The following NTF3 variants were observed in gnomAD, a reference collection of about 807,000 sequenced individuals.
The protein encoded by NTF3 is neurotrophin-3.
In NTF3, 8 loss-of-function variants were observed where a neutral mutation model predicts 26.3. The ratio of observed to expected loss-of-function variants is 0.30; its 90% CI spans 0.18 to 0.55. The LOEUF (loss-of-function observed/expected upper bound fraction) is 0.55, where lower values mean the gene tolerates loss of function less well. Among genes scored for constraint, NTF3 ranks in the 20% least tolerant of loss-of-function variants. NTF3 has a pLI of 0.93. For synonymous variants in NTF3, 154 were observed against 145.5 expected, an observed-to-expected ratio of 1.06 and a Z score of -0.42; for missense variants, 276 against 352.9, an observed-to-expected ratio of 0.78 and a Z score of 1.75.
At chr12:5,430,978 A>G (rs570528164), upstream of NTF3, among the ~76,000 whole-genome samples, 5 of 152,088 alleles carry the variant, frequency 3.3e-5, no homozygotes, top group East Asian at 9.7e-4. Flanking sequence ...TTGATCACTA[A>G]GTGGTATTTT....
chr12:5,440,547 G>A (rs1482311893), intron 1 of NTF3, among the ~76,000 whole-genome samples: 1 of 152,194 alleles, frequency 6.6e-6, no homozygotes, highest in Non-Finnish European at 1.5e-5. Flanking sequence ...CTGGGTTCAA[G>A]AGGAAGACAC....
chr12:5,461,389 G>T (rs1464495202), intron 1 of NTF3, among the ~76,000 whole-genome samples: 2 of 152,176 alleles, frequency 1.3e-5, no homozygotes, highest in African/African-American at 4.8e-5. Flanking sequence ...TTAAAGTGAA[G>T]AAGAGATTTT....
chr12:5,432,344 T>A lies in NTF3; in HGVS notation c.18+2T>A. On this transcript the variant is annotated splice_donor_variant, in intron 1 of 1. Transcript: ENST00000423158. LOFTEE classifies it high-confidence loss of function. Reference sequence around the variant, plus strand: ...GATGCCATGGTTACTTTTGCCACGGTAAGGGGAGGCGGCGGGCACCTTGGG... The same window carrying A: ...GATGCCATGGTTACTTTTGCCACGGAAAGGGGAGGCGGCGGGCACCTTGGG... 1 of 1,612,354 alleles carries A rather than the reference T, an allele frequency of 6.2e-7. No individual in the cohort carries two copies. The highest frequency in any genetic ancestry group is 8.5e-7 in the Non-Finnish European group (1 of 1,179,550).
chr12:5,444,054 A>G (rs1940273179), intron 1 of NTF3, among the ~76,000 whole-genome samples: 1 of 144,302 alleles, frequency 6.9e-6, no homozygotes, highest in Non-Finnish European at 1.6e-5. Context: ...GTCTGAATCA[A>G]GAATACATCT....
chr12:5,493,688 G>GCAACTGAAC (rs1415663701), intron 1 of NTF3, among the ~76,000 whole-genome samples: 2 of 152,150 alleles, frequency 1.3e-5, no homozygotes, highest in Non-Finnish European at 2.9e-5. Context: ...CAATATGGGG[G>GCAACTGAAC]CAACTGAACC....
rs1304519724 is a variant in NTF3 at position 5,494,500 on chromosome 12, C to A, written c.325C>A (p.Gln109Lys). ...AATGGACACCGAACTGCTGCGACAA[C>A]AGAGACGCTACAACTCACCGCGGGT... ...IAMDTELLRQ[Q>K]RRYNSPRVLL... Residue 109 changes from glutamine to lysine, a missense_variant, in exon 2 of 2, where the codon CAG becomes AAG. Coordinates refer to ENST00000423158, the MANE Select transcript of NTF3 (RefSeq NM_001102654.2). This position sits in a 1 kb window ranked among gnomAD's most constrained non-coding sequence, Gnocchi z 8.3. The A allele has an allele frequency of 6.2e-7, 1 of 1,613,992 alleles. No individual in the cohort carries two copies. The highest frequency in any genetic ancestry group is 1.7e-5 in the Admixed American group (1 of 60,026).
At chr12:5,437,585 G>A (rs978579020) in intron 1 of NTF3, among the ~76,000 whole-genome samples, 2 of 152,206 alleles carry the variant, frequency 1.3e-5, no homozygotes, top group Non-Finnish European at 2.9e-5. Context: ...GGAAGTGAGA[G>A]AGGGGATGCA....
At chr12:5,476,626 T>C (rs1315292327) in intron 1 of NTF3, among the ~76,000 whole-genome samples, 1 of 152,144 alleles carries the variant, frequency 6.6e-6, no homozygotes, top group African/African-American at 2.4e-5. Context: ...ATCATGAGAA[T>C]AGCACACCCG....
At chr12:5,436,016 C>T (rs375944084) in intron 1 of NTF3, among the ~76,000 whole-genome samples, 38 of 151,816 alleles carry the variant, frequency 2.5e-4, no homozygotes, top group East Asian at 9.7e-4. Flanking sequence ...GCATCTTTAG[C>T]GAAAAAAGGT....
chr12:5,444,751 C>T (rs1940283359), intron 1 of NTF3, among the ~76,000 whole-genome samples: 1 of 152,148 alleles, frequency 6.6e-6, no homozygotes, highest in Non-Finnish European at 1.5e-5. Flanking sequence ...ATCCCTCCGG[C>T]TGCAGTGTGG....
chr12:5,461,617 T>C (rs1940527701), intron 1 of NTF3, among the ~76,000 whole-genome samples: 1 of 152,054 alleles, frequency 6.6e-6, no homozygotes, highest in Admixed American at 6.6e-5. Flanking sequence ...CATGTCCTCA[T>C]ACACCTGCCT....
chr12:5,458,169 C>T (rs1056419595), intron 1 of NTF3, among the ~76,000 whole-genome samples: 3 of 152,166 alleles, frequency 2.0e-5, no homozygotes, highest in Admixed American at 1.3e-4. Flanking sequence ...CCAGAATGCA[C>T]AATGCACCTT....
At chr12:5,472,672 A>G (rs893773095) in intron 1 of NTF3, among the ~76,000 whole-genome samples, 1 of 152,020 alleles carries the variant, frequency 6.6e-6, no homozygotes, top group African/African-American at 2.4e-5. Context: ...GGCTGGCTTG[A>G]CTGCCACTGC....
chr12:5,475,644 G>C (rs1940712788), intron 1 of NTF3, among the ~76,000 whole-genome samples: 1 of 152,036 alleles, frequency 6.6e-6, no homozygotes, highest in Non-Finnish European at 1.5e-5. Flanking sequence ...AGACCAGCCT[G>C]TGCAACATGG....
At chr12:5,446,625 TA>T (rs1940309206) in intron 1 of NTF3, among the ~76,000 whole-genome samples, 1 of 152,168 alleles carries the variant, frequency 6.6e-6, no homozygotes, top group African/African-American at 2.4e-5. Flanking sequence ...AGAAGGAGGC[TA>T]AAAAAATCAA....
At chr12:5,438,246 G>T (rs1940197353) in intron 1 of NTF3, among the ~76,000 whole-genome samples, 1 of 151,798 alleles carries the variant, frequency 6.6e-6, no homozygotes, top group Admixed American at 6.6e-5. Context: ...ATTTTTTGTT[G>T]TTGTTAATAG....
At position 5,494,409 on chromosome 12, in the gene NTF3, A is replaced by G. The variant is rs1419560270; in HGVS notation, c.234A>G (p.Lys78=). ...VKENYQSTLP[K]AEAPREPERG... The stretch of plus-strand genomic sequence containing the variant: ...AAAATTACCAGAGCACCCTGCCCAA[A>G]GCTGAGGCTCCCCGAGAGCCGGAGC... The change falls in exon 2 of 2, where the codon AAA becomes AAG. Residue 78 remains lysine, a synonymous_variant. Coordinates refer to ENST00000423158, the MANE Select transcript of NTF3 (RefSeq NM_001102654.2). The surrounding 1 kb of genome is among the most constrained non-coding windows in gnomAD (Gnocchi z 8.3). 1.2e-6 allele frequency: 2 copies of G among 1,613,518 alleles called. No homozygotes were observed. Among genetic ancestry groups the G allele is most frequent in the African/African-American group, 1.3e-5 (1 of 74,862 alleles).
chr12:5,452,938 A>C (rs73032360), intron 1 of NTF3, among the ~76,000 whole-genome samples: 4,759 of 152,270 alleles, frequency 0.031, 98 homozygotes, highest in Non-Finnish European at 0.048. Flanking sequence ...AGTGGGAAAG[A>C]ACCGTAAGGC....
chr12:5,459,750 G>A (rs898481319), intron 1 of NTF3, among the ~76,000 whole-genome samples: 7 of 152,324 alleles, frequency 4.6e-5, no homozygotes, highest in Admixed American at 1.3e-4. Flanking sequence ...CAGGACCTTC[G>A]AGGGGCTGCG....
Sources: gnomAD v4.1 joint callset for allele counts (sites outside exome capture counted in the v4.1 genomes callset) on GRCh38, gnomAD v4.1.1 for gene constraint, Gnocchi (gnomAD v3.1) non-coding constraint, MANE v1.5 for transcripts, NCBI Gene and HGNC (gene_info 2026-07-23, HGNC 2026-07-21) for gene names.